Variants in DPF3 observed in about 807,000 individuals in gnomAD.
The protein encoded by DPF3 is double PHD fingers 3.
Under a neutral mutation model 56.8 loss-of-function variants are expected in DPF3, and 18 were observed. The observed-to-expected ratio is 0.32, with a 90% CI of 0.22 to 0.47. The LOEUF (loss-of-function observed/expected upper bound fraction) is 0.47, where lower values mean the gene tolerates loss of function less well. DPF3 is among the 20% of genes least tolerant of loss of function. DPF3 has a pLI of 1.00. For synonymous variants in DPF3, 188 were observed against 180.2 expected (o/e 1.04, Z -0.35); for missense variants, 403 against 488.8 (o/e 0.82, Z 1.65).
At chr14:72,666,319 T>C (rs1273760325) in intron 8 of DPF3, among the ~76,000 whole-genome samples, 1 of 152,228 alleles carries the variant, frequency 6.6e-6, no homozygotes, top group African/African-American at 2.4e-5. Flanking sequence ...TAATGTGTCA[T>C]AGTTTCATTT....
chr14:72,638,737 G>A (rs373790397), intron 8 of DPF3, among the ~76,000 whole-genome samples: 6 of 152,130 alleles, frequency 3.9e-5, no homozygotes, highest in South Asian at 2.1e-4. Flanking sequence ...CCTTTTCTAC[G>A]TGAGCCTGGG....
intron 6 of DPF3, among the ~76,000 whole-genome samples, chr14:72,699,259 C>T (rs1384640178): frequency 6.6e-6 from 1 of 152,006 alleles, no homozygotes; most frequent in Non-Finnish European, 1.5e-5. Context: ...GTGGCTCATG[C>T]TTATAATCCC....
At chr14:72,852,271 A>T (rs1321665063) in intron 1 of DPF3, among the ~76,000 whole-genome samples, 1 of 152,216 alleles carries the variant, frequency 6.6e-6, no homozygotes, top group African/African-American at 2.4e-5. Flanking sequence ...AAAAAGTTGG[A>T]GGCCTAAGTA....
intron 1 of DPF3, among the ~76,000 whole-genome samples, chr14:72,810,446 G>C (rs1990440): frequency 0.082 from 12,492 of 152,226 alleles, 790 homozygotes; most frequent in South Asian, 0.19. Context: ...TGTGTACCGA[G>C]CTTCCGGGCT....
At position 72,693,132 on chromosome 14, in the gene DPF3, T is replaced by C; in HGVS notation, c.686A>G (p.Glu229Gly). The change falls in exon 7 of 11, where the codon GAA becomes GGA. Residue 229 changes from glutamate to glycine, a missense_variant. By Grantham distance (98) the Glu-to-Gly change is moderately conservative. Transcript: ENST00000556509. Reference sequence around the variant, plus strand: ...GGACCGAGTCTCCTGGTCTTGAGCTTCATCCCCCTCCTCGCTGGCCAGGTG... The same window carrying C: ...GGACCGAGTCTCCTGGTCTTGAGCTCCATCCCCCTCCTCGCTGGCCAGGTG... ...HTHLASEEGD[E>G]AQDQETRSPP... The C allele has an allele frequency of 6.2e-7, 1 of 1,614,054 alleles. No homozygotes were observed. The highest frequency in any genetic ancestry group is 8.5e-7 in the Non-Finnish European group (1 of 1,179,898).
At chr14:72,843,013 A>C (rs1433200083) in intron 1 of DPF3, among the ~76,000 whole-genome samples, 1 of 151,988 alleles carries the variant, frequency 6.6e-6, no homozygotes, top group Non-Finnish European at 1.5e-5. Context: ...ACAGTGTGAG[A>C]CTCCATCTCA....
intron 8 of DPF3, among the ~76,000 whole-genome samples, chr14:72,668,579 G>T (rs1266657320): frequency 6.6e-6 from 1 of 152,122 alleles, no homozygotes; most frequent in Non-Finnish European, 1.5e-5. Context: ...ATTCTCCTGG[G>T]AGTTTGCCTT....
chr14:72,831,432 T>C (rs1204013764), intron 1 of DPF3, among the ~76,000 whole-genome samples: 1 of 152,222 alleles, frequency 6.6e-6, no homozygotes, highest in Non-Finnish European at 1.5e-5. Context: ...AATAAATTTC[T>C]GGGGTTCATC....
intron 8 of DPF3, among the ~76,000 whole-genome samples, chr14:72,633,631 C>A (rs574680912): frequency 6.6e-6 from 1 of 152,094 alleles, no homozygotes; most frequent in Non-Finnish European, 1.5e-5. Flanking sequence ...ATAAAGACCC[C>A]GAGTGAGGGA....
At chr14:72,694,875 CTATAA>C (rs1375643582) in intron 6 of DPF3, among the ~76,000 whole-genome samples, 3 of 152,200 alleles carry the variant, frequency 2.0e-5, no homozygotes, top group Admixed American at 1.3e-4. Context: ...TCAGCATCTA[CTATAA>C]TATGATTCTC....
intron 1 of DPF3, among the ~76,000 whole-genome samples, chr14:72,870,970 G>C (rs770729718): frequency 8.1e-6 from 1 of 123,552 alleles, no homozygotes; most frequent in Non-Finnish European, 1.8e-5. Flanking sequence ...GGAAGAAAAA[G>C]AGGTTTAATT....
chr14:72,743,614 A>G (rs1221285506), intron 3 of DPF3, among the ~76,000 whole-genome samples: 1 of 151,540 alleles, frequency 6.6e-6, no homozygotes, highest in African/African-American at 2.4e-5. Context: ...AAAAAAAAAA[A>G]AAGGAAAAGA....
At chr14:72,850,707 T>C (rs2140083175) in intron 1 of DPF3, among the ~76,000 whole-genome samples, 1 of 152,312 alleles carries the variant, frequency 6.6e-6, no homozygotes, top group Admixed American at 6.5e-5. Flanking sequence ...TTCAAATCTG[T>C]GGTTCAGATT....
intron 9 of DPF3, 133 bp from the exon 10 acceptor site, chr14:72,620,117 T>C: frequency 1.2e-6 from 1 of 828,160 alleles, no homozygotes; most frequent in Non-Finnish European, 1.8e-6. Flanking sequence ...CCACTTGGAG[T>C]CCTCACTGTC....
intron 1 of DPF3, among the ~76,000 whole-genome samples, chr14:72,857,201 G>C (rs1885201559): frequency 6.6e-6 from 1 of 152,140 alleles, no homozygotes; most frequent in South Asian, 2.1e-4. Flanking sequence ...ACCATGTATG[G>C]AGAGAAGACA....
chr14:72,803,823 A>C (rs1415949256), intron 1 of DPF3, among the ~76,000 whole-genome samples: 1 of 152,244 alleles, frequency 6.6e-6, no homozygotes, highest in East Asian at 1.9e-4. Flanking sequence ...TGTAACGCAA[A>C]AGGCTCTGAA....
Position 72,773,586 on chromosome 14 carries a change from A to G in DPF3, c.33-1693T>C, listed in dbSNP as rs548924084. 1.4e-4 allele frequency among the ~76,000 whole-genome samples: 22 copies of G among 152,270 alleles called. No individual in the cohort carries two copies. In the South Asian group the frequency reaches 4.4e-3, roughly 30 times the overall value. On this transcript the variant is annotated intron_variant, in intron 1 of 10. Coordinates refer to ENST00000556509, the MANE Select transcript of DPF3 (RefSeq NM_001280542.3). ...CCCAGAACTCTTTTCATCTTGCAAA[A>G]CTGAAACACTATACCCATTAAACAA...
intron 3 of DPF3, among the ~76,000 whole-genome samples, chr14:72,732,325 A>G (rs1170888935): frequency 6.6e-6 from 1 of 152,236 alleles, no homozygotes; most frequent in African/African-American, 2.4e-5. Context: ...GTAAGGGGAC[A>G]TGTGTTCATT....
rs897618977 is a variant in DPF3 at position 72,616,632 on chromosome 14, C to G, written c.*2665G>C. ...TCTGGAATAGGCAGGGCAAGTGTTA[C>G]TATCTCCACTTTCCAGGTGGGCAAT... is the stretch of plus-strand genomic sequence containing the variant. On this transcript the variant is annotated 3_prime_UTR_variant, in exon 11 of 11. Coordinates refer to ENST00000556509, the MANE Select transcript of DPF3 (RefSeq NM_001280542.3). 2.7e-4 allele frequency among the ~76,000 whole-genome samples: 41 copies of G among 152,166 alleles called. No homozygotes were observed. Among genetic ancestry groups the G allele is most frequent in the Non-Finnish European group, 4.4e-5 (3 of 68,034 alleles).
Sources: allele counts gnomAD v4.1 joint callset (sites outside exome capture counted in the v4.1 genomes callset), GRCh38; gene constraint gnomAD v4.1.1; transcripts MANE v1.5; gene names NCBI Gene and HGNC (gene_info 2026-07-23, HGNC 2026-07-21).